C8orf34: variants seen among roughly 807,000 people sequenced by gnomAD.
C8orf34 encodes the protein chromosome 8 open reading frame 34, also known as uncharacterized protein C8orf34.
In C8orf34, 65 loss-of-function variants were observed where a neutral mutation model predicts 68.3. The observed-to-expected ratio is 0.95, with a 90% CI of 0.78 to 1.17. The LOEUF is 1.17. Among genes scored for constraint, C8orf34 ranks in the 50% most tolerant of loss-of-function variants. The pLI, the probability that C8orf34 is intolerant of heterozygous loss-of-function variation, is 0.00. For synonymous variants in C8orf34, 244 were observed against 241.2 expected (o/e 1.01, Z -0.11); for missense variants, 664 against 655.4 (o/e 1.01, Z -0.14).
intron 3 of C8orf34, among the ~76,000 whole-genome samples, chr8:68,466,779 C>G (rs192438069): frequency 1.7e-5 from 2 of 117,910 alleles, no homozygotes; most frequent in East Asian, 4.2e-4. Context: ...GCTTTCATTT[C>G]TTTATGATGA....
rs997468206 is a variant in C8orf34, at chr8:68,745,015, A to C, written c.1404+23578A>C. Reference sequence around the variant, plus strand: ...TCGGGTTACCCTGAAAGGGAAGCCCATCAGACTAACAGCGGATCTCTCGGC... The same window carrying C: ...TCGGGTTACCCTGAAAGGGAAGCCCCTCAGACTAACAGCGGATCTCTCGGC... On this transcript the variant is annotated intron_variant, in intron 10 of 13. Coordinates refer to ENST00000518698, the MANE Select transcript of C8orf34 (RefSeq NM_052958.4). Among the ~76,000 whole-genome samples the C allele has an allele frequency of 2.6e-5, 4 of 152,132 alleles. No homozygotes were observed. In the East Asian group the frequency reaches 7.7e-4, roughly 29 times the overall value.
intron 1 of C8orf34, among the ~76,000 whole-genome samples, chr8:68,372,709 G>A (rs1005403062): frequency 3.9e-5 from 6 of 152,094 alleles, no homozygotes; most frequent in Non-Finnish European, 5.9e-5. Flanking sequence ...CCATCAACCC[G>A]TCATCTACAT....
At chr8:68,551,792 T>A (rs1816081574) in intron 7 of C8orf34, among the ~76,000 whole-genome samples, 1 of 152,144 alleles carries the variant, frequency 6.6e-6, no homozygotes, top group South Asian at 2.1e-4. Context: ...CTGCCCCACC[T>A]TAGCTAAGTC....
chr8:68,540,657 T>G (rs1295377873), intron 7 of C8orf34, among the ~76,000 whole-genome samples: 1 of 151,934 alleles, frequency 6.6e-6, no homozygotes, highest in African/African-American at 2.4e-5. Context: ...CTGGCTAGTA[T>G]GGTGAAACCC....
chr8:68,615,463 C>A (rs2130594441), intron 7 of C8orf34, among the ~76,000 whole-genome samples: 1 of 152,234 alleles, frequency 6.6e-6, no homozygotes, highest in East Asian at 1.9e-4. Flanking sequence ...AGATACGTCC[C>A]ATCAATACCT....
At chr8:68,509,234 G>C (rs1374825480) in intron 5 of C8orf34, among the ~76,000 whole-genome samples, 1 of 152,168 alleles carries the variant, frequency 6.6e-6, no homozygotes, top group Non-Finnish European at 1.5e-5. Context: ...CAGCAGAAGG[G>C]GCCATTGTCA....
chr8:68,370,826 G>A (rs1807527920), intron 1 of C8orf34, among the ~76,000 whole-genome samples: 1 of 151,996 alleles, frequency 6.6e-6, no homozygotes, highest in Non-Finnish European at 1.5e-5. Flanking sequence ...CATTCACTTT[G>A]GTCTAACATC....
chr8:68,356,676 C>T (rs967836847), intron 1 of C8orf34, among the ~76,000 whole-genome samples: 30 of 151,958 alleles, frequency 2.0e-4, no homozygotes, highest in African/African-American at 6.5e-4. Context: ...TTAAATAAAC[C>T]AGTTTCTGTT....
intron 8 of C8orf34, among the ~76,000 whole-genome samples, chr8:68,677,413 CA>C: frequency 6.6e-6 from 1 of 152,074 alleles, no homozygotes. Flanking sequence ...GGGTGGAGTG[CA>C]GTGGTGTGAT....
At chr8:68,656,906 C>T (rs1819525658) in intron 8 of C8orf34, among the ~76,000 whole-genome samples, 1 of 152,164 alleles carries the variant, frequency 6.6e-6, no homozygotes, top group Admixed American at 6.5e-5. Context: ...AAGCTAAGTC[C>T]TGAAAAGTTG....
intron 8 of C8orf34, among the ~76,000 whole-genome samples, chr8:68,642,279 G>A (rs1468839748): frequency 1.3e-5 from 2 of 152,164 alleles, no homozygotes; most frequent in Non-Finnish European, 2.9e-5. Flanking sequence ...TTTTGATGGA[G>A]AATAAGGCAT....
intron 7 of C8orf34, among the ~76,000 whole-genome samples, chr8:68,544,142 A>G (rs998032229): frequency 1.8e-4 from 27 of 152,152 alleles, no homozygotes; most frequent in African/African-American, 6.5e-4. Flanking sequence ...CATAGTCTAC[A>G]GGGGTGCTCC....
chr8:68,780,166 T>C (rs1823635167), intron 11 of C8orf34, among the ~76,000 whole-genome samples: 3 of 152,218 alleles, frequency 2.0e-5, no homozygotes. Flanking sequence ...TACACTTATA[T>C]GGACAAGAGG....
At chr8:68,514,661 C>T (rs1026804032) in intron 5 of C8orf34, among the ~76,000 whole-genome samples, 1 of 152,146 alleles carries the variant, frequency 6.6e-6, no homozygotes. Context: ...AATAGCAGTG[C>T]AAAAATTATT....
intron 11 of C8orf34, among the ~76,000 whole-genome samples, chr8:68,782,108 G>A (rs1468483626): frequency 6.6e-6 from 1 of 152,080 alleles, no homozygotes; most frequent in African/African-American, 2.4e-5. Flanking sequence ...AAATTTTTCT[G>A]TTTTAAAGGA....
intron 10 of C8orf34, among the ~76,000 whole-genome samples, chr8:68,732,433 A>AT (rs1335498717): frequency 2.0e-5 from 3 of 151,994 alleles, no homozygotes; most frequent in African/African-American, 4.8e-5. Context: ...CTTTTTAATG[A>AT]TTTTTTTGTG....
At chr8:68,616,227 C>T (rs1232424354) in intron 7 of C8orf34, among the ~76,000 whole-genome samples, 1 of 151,674 alleles carries the variant, frequency 6.6e-6, no homozygotes, top group Non-Finnish European at 1.5e-5. Context: ...TTTGTTGATC[C>T]TTTCAAAAAA....
chr8:68,667,790 T>G (rs1819885316), intron 8 of C8orf34, among the ~76,000 whole-genome samples: 1 of 152,254 alleles, frequency 6.6e-6, no homozygotes, highest in South Asian at 2.1e-4. Context: ...CACTAGAGGG[T>G]TAAGCGAGTG....
intron 7 of C8orf34, among the ~76,000 whole-genome samples, chr8:68,581,177 G>T (rs1817054032): frequency 6.6e-6 from 1 of 152,112 alleles, no homozygotes; most frequent in Non-Finnish European, 1.5e-5. Flanking sequence ...TATTTCTTAT[G>T]CAAGTTTTGA....
Sources: gnomAD v4.1 joint callset for allele counts (sites outside exome capture counted in the v4.1 genomes callset) on GRCh38, gnomAD v4.1.1 for gene constraint, MANE v1.5 for transcripts, NCBI Gene and HGNC (gene_info 2026-07-23, HGNC 2026-07-21) for gene names.